Variants in UBE3B observed in about 807,000 individuals in gnomAD.
The protein encoded by UBE3B is ubiquitin protein ligase E3B.
Under a neutral mutation model 132.3 loss-of-function variants are expected in UBE3B, and 80 were observed. The ratio of observed to expected loss-of-function variants is 0.60; its 90% CI spans 0.50 to 0.73. The LOEUF is 0.73. UBE3B is among the 30% of genes least tolerant of loss of function. UBE3B has a pLI of 0.00. For missense variants in UBE3B, 1,196 were observed against 1,362.5 expected, an observed-to-expected ratio of 0.88 and a Z score of 1.92; for synonymous variants, 487 against 520.4, an observed-to-expected ratio of 0.94 and a Z score of 0.87.
intron 14 of UBE3B, among the ~76,000 whole-genome samples, chr12:109,504,844 G>A (rs1329825204): frequency 1.3e-5 from 2 of 149,666 alleles, no homozygotes; most frequent in African/African-American, 2.5e-5. Flanking sequence ...TCACTCTGTC[G>A]CCCAGGCTGT....
intron 23 of UBE3B, among the ~76,000 whole-genome samples, chr12:109,525,053 C>T (rs912161352): frequency 1.3e-5 from 2 of 152,102 alleles, no homozygotes; most frequent in African/African-American, 4.8e-5. Flanking sequence ...GTCCAAGGGC[C>T]GCTCAGGAGA....
At chr12:109,531,296 C>T (rs1286538851) in intron 26 of UBE3B, among the ~76,000 whole-genome samples, 2 of 152,164 alleles carry the variant, frequency 1.3e-5, no homozygotes, top group Non-Finnish European at 2.9e-5. Flanking sequence ...CCCCTAATGC[C>T]ATTGCATTGT....
Position 109,497,851 on chromosome 12 carries a change from G to T in UBE3B, c.747G>T (p.Leu249=). 1.2e-6 allele frequency: 2 copies of T among 1,614,196 alleles called. No homozygotes were observed. The highest frequency in any genetic ancestry group is 1.7e-6 in the Non-Finnish European group (2 of 1,180,040). ...TTGCTGCACAGTTCTCAGACAATCT[G>T]ATTCGGCCGTTCCTCATCCACATCA... is the stretch of plus-strand genomic sequence containing the variant. ...PVIAAQFSDN[L]IRPFLIHIMS... The change falls in exon 10 of 28, where the codon CTG becomes CTT. Residue 249 remains leucine, a synonymous_variant. Transcript: ENST00000342494.
Position 109,529,904 on chromosome 12 carries a change from A to C in UBE3B, c.2642A>C (p.His881Pro). ...VTNENKISYI[H>P]LMAHFRMHTQ... ...GTTGGCAACAGAATTAGCTACATCC[A>C]TCTGATGGCACATTTTCGAATGCAC... The change falls in exon 25 of 28, where the codon CAT becomes CCT. Residue 881 changes from histidine to proline, a missense_variant. Physicochemically the swap from His to Pro is moderately conservative, Grantham distance 77 (BLOSUM62 -2). Transcript: ENST00000342494. 6.2e-7 allele frequency: 1 copy of C among 1,614,226 alleles called. No homozygotes were observed. The highest frequency in any genetic ancestry group is 1.1e-5 in the South Asian group (1 of 91,088).
chr12:109,511,401 T>A (rs1880355983), intron 18 of UBE3B, 98 bp downstream of exon 18: 1 of 1,081,210 alleles, frequency 9.2e-7, no homozygotes, highest in Non-Finnish European at 1.4e-6. Context: ...GGTGACTAAG[T>A]GGGATCATTC....
chr12:109,546,623 C>G, the UBE3B span, among the ~76,000 whole-genome samples: 2 of 152,216 alleles, frequency 1.3e-5, no homozygotes, highest in Non-Finnish European at 2.9e-5. Flanking sequence ...GGGCAAGGCA[C>G]TGATGTCATT....
the UBE3B span, among the ~76,000 whole-genome samples, chr12:109,542,113 C>G: frequency 1.5e-4 from 23 of 152,242 alleles, no homozygotes; most frequent in Admixed American, 5.9e-4. Context: ...TGAACCACCA[C>G]ATGCTCACAG....
intron 14 of UBE3B, among the ~76,000 whole-genome samples, chr12:109,506,272 G>A (rs1350533926): frequency 1.3e-5 from 2 of 152,224 alleles, no homozygotes; most frequent in African/African-American, 4.8e-5. Flanking sequence ...CTACTGTTGG[G>A]GGGCCAAATC....
At chr12:109,482,267 G>A (rs1875601094) in intron 2 of UBE3B, among the ~76,000 whole-genome samples, 1 of 152,002 alleles carries the variant, frequency 6.6e-6, no homozygotes, top group South Asian at 2.1e-4. Flanking sequence ...GGCTTTTAGG[G>A]CACCCATCAC....
chr12:109,507,844 C>T, intron 15 of UBE3B, 109 bp downstream of exon 15: 2 of 1,310,932 alleles, frequency 1.5e-6, no homozygotes, highest in Non-Finnish European at 2.1e-6. Flanking sequence ...ACATTTGGAC[C>T]TGTGTGGCAG....
intron 19 of UBE3B, among the ~76,000 whole-genome samples, chr12:109,519,405 A>G (rs1881440046): frequency 6.6e-6 from 1 of 152,248 alleles, no homozygotes; most frequent in Admixed American, 6.5e-5. Flanking sequence ...AGTCCCCTCT[A>G]AACGTTTAAA....
chr12:109,506,873 T>C (rs998399402), intron 14 of UBE3B, among the ~76,000 whole-genome samples: 7 of 152,232 alleles, frequency 4.6e-5, no homozygotes, highest in Non-Finnish European at 7.3e-5. Context: ...CACAGCAGCC[T>C]AGCTTCAATC....
At chr12:109,546,081 T>A in the UBE3B span, among the ~76,000 whole-genome samples, 1 of 152,112 alleles carries the variant, frequency 6.6e-6, no homozygotes, top group Non-Finnish European at 1.5e-5. Flanking sequence ...TGGGACAGAA[T>A]CAGTGCCCAC....
At chr12:109,499,958 C>A in intron 12 of UBE3B, 148 bp downstream of exon 12, 1 of 712,830 alleles carries the variant, frequency 1.4e-6, no homozygotes, top group African/African-American at 1.9e-5. Flanking sequence ...TGAGTAAGAA[C>A]AAAAGAGGAT....
chr12:109,478,508 CG>C (rs1386741782), intron 1 of UBE3B, among the ~76,000 whole-genome samples: 3 of 152,150 alleles, frequency 2.0e-5, no homozygotes, highest in Non-Finnish European at 4.4e-5. Context: ...AGGCTGGCCA[CG>C]GTGGCTCACG....
rs900231228 is a variant in UBE3B, at chr12:109,486,583, A to C, written c.447+8A>C. ...TTTCTCAAGCAGCTCAAGGTAACAA[A>C]AAAAAAAAAAAAAAAAAAAAGCAAA... On this transcript the variant is annotated splice_region_variant and intron_variant, in intron 6 of 27. Transcript: ENST00000342494. The C allele has an allele frequency of 3.1e-5, 23 of 736,010 alleles. No homozygotes were observed. Among genetic ancestry groups the C allele is most frequent in the Admixed American group, 3.8e-5 (1 of 26,542 alleles). The allele number at this position is 736,010 out of a possible 1,614,324, so 45.6% of individuals were successfully genotyped here.
intron 9 of UBE3B, among the ~76,000 whole-genome samples, chr12:109,493,765 C>T (rs1877799831): frequency 1.3e-5 from 2 of 152,216 alleles, no homozygotes; most frequent in South Asian, 2.1e-4. Flanking sequence ...TCATGGGCCA[C>T]ACATTGTTCT....
chr12:109,484,694 A>ATT (rs1207696151), intron 4 of UBE3B, among the ~76,000 whole-genome samples: 86 of 126,854 alleles, frequency 6.8e-4, no homozygotes, highest in Middle Eastern at 5.4e-3. Context: ...CCAGCCTCTG[A>ATT]TTTTTTTTTT....
chr12:109,540,083 A>G (rs1335585870), downstream of UBE3B, among the ~76,000 whole-genome samples: 1 of 151,772 alleles, frequency 6.6e-6, no homozygotes, highest in African/African-American at 2.4e-5. Context: ...ACCCCAGAGA[A>G]TCCTGCAGAG....
Sources: gnomAD v4.1 joint callset for allele counts (sites outside exome capture counted in the v4.1 genomes callset) on GRCh38, gnomAD v4.1.1 for gene constraint, MANE v1.5 for transcripts, NCBI Gene and HGNC (gene_info 2026-07-23, HGNC 2026-07-21) for gene names.